Variants in OR6N1 observed in about 807,000 individuals in gnomAD.
The protein encoded by OR6N1 is olfactory receptor family 6 subfamily N member 1.
For missense variants in OR6N1, 394 were observed against 371.7 expected (o/e 1.06, Z -0.49); for synonymous variants, 170 against 150.7 (o/e 1.13, Z -0.94).
At chr1:158,828,394 A>G in the OR6N1 span, among the ~76,000 whole-genome samples, 1 of 152,202 alleles carries the variant, frequency 6.6e-6, no homozygotes, top group African/African-American at 2.4e-5. Context: ...AGCCATCTCA[A>G]GTGGGAGAAA....
At chr1:158,835,961 C>T in the OR6N1 span, among the ~76,000 whole-genome samples, 3 of 151,516 alleles carry the variant, frequency 2.0e-5, no homozygotes, top group East Asian at 5.8e-4. Context: ...GAAAAATGAG[C>T]ATCTGTGTAT....
chr1:158,781,529 TC>T, the OR6N1 span, among the ~76,000 whole-genome samples: 1 of 152,210 alleles, frequency 6.6e-6, no homozygotes, highest in Admixed American at 6.5e-5. Flanking sequence ...GGACTCTAGT[TC>T]TGAAAATGTG....
the OR6N1 span, among the ~76,000 whole-genome samples, chr1:158,781,749 A>T: frequency 6.6e-6 from 1 of 152,212 alleles, no homozygotes; most frequent in African/African-American, 2.4e-5. Flanking sequence ...TAAGCAAACA[A>T]ACTGGGGTTG....
At chr1:158,818,819 G>A in the OR6N1 span, among the ~76,000 whole-genome samples, 1 of 152,072 alleles carries the variant, frequency 6.6e-6, no homozygotes, top group Admixed American at 6.6e-5. Flanking sequence ...GTGGAGCCTT[G>A]GACCCATTGC....
At chr1:158,769,033 T>C (rs1393928958) in intron 1 of OR6N1, among the ~76,000 whole-genome samples, 1 of 152,220 alleles carries the variant, frequency 6.6e-6, no homozygotes, top group Non-Finnish European at 1.5e-5. Context: ...TAGTTACAAC[T>C]CAATAAATAT....
upstream of OR6N1, chr1:158,775,155 T>G (rs1657560101): frequency 6.6e-6 from 1 of 152,176 alleles, no homozygotes; most frequent in South Asian, 2.1e-4. Context: ...AACACATAAA[T>G]TGCCATACAT....
chr1:158,783,193 T>C, the OR6N1 span, among the ~76,000 whole-genome samples: 39 of 152,302 alleles, frequency 2.6e-4, no homozygotes, highest in African/African-American at 9.1e-4. Flanking sequence ...GGCAACTTGC[T>C]GGATCCAACA....
the OR6N1 span, among the ~76,000 whole-genome samples, chr1:158,780,052 G>A: frequency 6.6e-6 from 1 of 152,070 alleles, no homozygotes; most frequent in Non-Finnish European, 1.5e-5. Flanking sequence ...TTTTGCACCT[G>A]AACACATCCC....
intron 1 of OR6N1, among the ~76,000 whole-genome samples, chr1:158,769,618 T>G (rs767892988): frequency 9.2e-5 from 14 of 152,208 alleles, no homozygotes; most frequent in Non-Finnish European, 1.0e-4. Context: ...CCGGTCTTCT[T>G]ATCACTTCTT....
Position 158,766,469 on chromosome 1 carries a change from C to G in OR6N1, c.214G>C (p.Gly72Arg), listed in dbSNP as rs748385243. Residue 72 changes from glycine to arginine, a missense_variant, in exon 2 of 2, where the codon GGC (glycine) becomes CGC (arginine). Coordinates refer to ENST00000641846, the MANE Select transcript of OR6N1 (RefSeq NM_001005185.2). ...FVSILSFSELGYTAATIPKML... is the reference protein window; with the variant it reads ...FVSILSFSELRYTAATIPKML... ...TTAGGGATGGTGGCAGCTGTATAGC[C>G]AAGCTCTGAGAAGGAGAGAATGCTG... The G allele has an allele frequency of 7.4e-6, 12 of 1,613,992 alleles. No individual in the cohort carries two copies. The Admixed American group carries it at 1.8e-4, about 25-fold the overall frequency.
At chr1:158,770,546 G>A (rs857832) in intron 1 of OR6N1, among the ~76,000 whole-genome samples, 144,902 of 152,286 alleles carry the variant, frequency 0.95, 69,241 homozygotes, top group African/African-American at 0.99. Context: ...AGTGTTGAGA[G>A]AAGCTTTAGG....
At chr1:158,823,546 T>C in the OR6N1 span, among the ~76,000 whole-genome samples, 4 of 152,114 alleles carry the variant, frequency 2.6e-5, no homozygotes, top group Non-Finnish European at 4.4e-5. Flanking sequence ...TTGTGGGCTA[T>C]TGATTATGGC....
chr1:158,781,610 C>T, the OR6N1 span, among the ~76,000 whole-genome samples: 2 of 152,202 alleles, frequency 1.3e-5, no homozygotes, highest in Non-Finnish European at 2.9e-5. Flanking sequence ...CCTCCGAAAT[C>T]CGAAGAGACA....
At chr1:158,797,567 G>A in the OR6N1 span, among the ~76,000 whole-genome samples, 6 of 152,098 alleles carry the variant, frequency 3.9e-5, no homozygotes, top group African/African-American at 1.4e-4. Flanking sequence ...GAGCCAGGTT[G>A]CTTCTACTCT....
chr1:158,795,262 G>A, the OR6N1 span, among the ~76,000 whole-genome samples: 1 of 152,314 alleles, frequency 6.6e-6, no homozygotes, highest in Non-Finnish European at 1.5e-5. Context: ...GCTGGCAGCA[G>A]CTAGCTGAGT....
upstream of OR6N1, chr1:158,776,884 A>AAG (rs779911544): frequency 6.2e-7 from 1 of 1,614,180 alleles, no homozygotes; most frequent in East Asian, 2.2e-5. Flanking sequence ...GCTCCCAAAG[A>AAG]AGATGAGGAC....
chr1:158,778,033 G>A, the OR6N1 span, among the ~76,000 whole-genome samples: 2 of 152,134 alleles, frequency 1.3e-5, no homozygotes, highest in Admixed American at 6.5e-5. Context: ...TATACTATAT[G>A]ACTGTTCCCA....
At chr1:158,790,400 A>ATTTTT in the OR6N1 span, among the ~76,000 whole-genome samples, 1 of 129,470 alleles carries the variant, frequency 7.7e-6, no homozygotes, top group Non-Finnish European at 1.6e-5. Context: ...TTGATAGGGA[A>ATTTTT]TTTTTTTTTT....
the OR6N1 span, among the ~76,000 whole-genome samples, chr1:158,818,768 C>A: frequency 0.016 from 2,494 of 152,188 alleles, 26 homozygotes; most frequent in Non-Finnish European, 0.027. Flanking sequence ...CTATCCTTAC[C>A]CAGTCTAGAT....
Sources: gnomAD v4.1 joint callset for allele counts (sites outside exome capture counted in the v4.1 genomes callset) on GRCh38, gnomAD v4.1.1 for gene constraint, MANE v1.5 for transcripts, NCBI Gene and HGNC (gene_info 2026-07-23, HGNC 2026-07-21) for gene names.